The following MYO9A variants were observed in gnomAD, a reference collection of about 807,000 sequenced individuals.
MYO9A encodes the protein myosin IXA.
In MYO9A, 103 loss-of-function variants were observed where a neutral mutation model predicts 293.3. The observed-to-expected ratio is 0.35, with a 90% CI of 0.30 to 0.41. The LOEUF is 0.41. Among genes scored for constraint, MYO9A ranks in the 10% least tolerant of loss-of-function variants. The pLI, the probability that MYO9A is intolerant of heterozygous loss-of-function variation, is 1.00. For missense variants in MYO9A, 2,685 were observed against 3,033.0 expected (o/e 0.89, Z 2.69); for synonymous variants, 1,001 against 1,035.7 (o/e 0.97, Z 0.64).
At chr15:71,918,975 A>T (rs1254280435) in intron 18 of MYO9A, among the ~76,000 whole-genome samples, 1 of 152,188 alleles carries the variant, frequency 6.6e-6, no homozygotes, top group African/African-American at 2.4e-5. Flanking sequence ...TTTACTTGGC[A>T]CTGAATTTGT....
At chr15:71,982,374 A>G (rs2076297784) in intron 11 of MYO9A, among the ~76,000 whole-genome samples, 1 of 151,878 alleles carries the variant, frequency 6.6e-6, no homozygotes, top group Non-Finnish European at 1.5e-5. Context: ...TTTTTTAGTT[A>G]CTGATTTCAG....
chr15:72,045,267 T>C (rs1285255706), intron 2 of MYO9A: 1 of 1,388 alleles, frequency 7.2e-4, no homozygotes, highest in African/African-American at 9.6e-4. Context: ...CCAAAGACAA[T>C]TTTTTTTTTT....
rs375944369 is a variant in MYO9A at position 72,063,446 on chromosome 15, G to A, written c.-71-16812C>T. ...TTCTGCATAGCAAAGGCAACAATCA[G>A]CAAAGTGAACAGACAACTCACAGAA... On this transcript the variant is annotated intron_variant, in intron 1 of 41. Transcript: ENST00000356056. 5.3e-5 allele frequency among the ~76,000 whole-genome samples: 8 copies of A among 152,138 alleles called. No individual in the cohort carries two copies. The East Asian group carries it at 9.6e-4, about 18-fold the overall frequency.
At chr15:71,875,424 C>A (rs2056654132) in intron 32 of MYO9A, among the ~76,000 whole-genome samples, 1 of 152,076 alleles carries the variant, frequency 6.6e-6, no homozygotes. Flanking sequence ...TGTTCAAATG[C>A]CTTCAGAAAT....
intron 1 of MYO9A, among the ~76,000 whole-genome samples, chr15:72,076,096 G>C (rs1285233537): frequency 2.0e-5 from 3 of 152,110 alleles, no homozygotes; most frequent in Non-Finnish European, 4.4e-5. Flanking sequence ...TTGAGGTCAG[G>C]AGTTTGAGAC....
At chr15:72,058,039 C>T (rs1307640462) in intron 1 of MYO9A, among the ~76,000 whole-genome samples, 1 of 152,136 alleles carries the variant, frequency 6.6e-6, no homozygotes, top group Non-Finnish European at 1.5e-5. Flanking sequence ...ACTCAAGAAC[C>T]AAATACGTTT....
chr15:71,972,611 G>A (rs919982308), intron 12 of MYO9A, among the ~76,000 whole-genome samples: 6 of 152,202 alleles, frequency 3.9e-5, no homozygotes, highest in African/African-American at 1.4e-4. Context: ...CCCCACAAAC[G>A]TTTGGTCACA....
At chr15:72,106,495 C>T (rs997141753) in intron 1 of MYO9A, among the ~76,000 whole-genome samples, 8 of 152,102 alleles carry the variant, frequency 5.3e-5, no homozygotes, top group African/African-American at 1.9e-4. Flanking sequence ...CAGAGCAAGA[C>T]CTCATCTCTA....
intron 2 of MYO9A, among the ~76,000 whole-genome samples, chr15:72,035,943 G>A (rs2078033334): frequency 6.7e-6 from 1 of 150,298 alleles, no homozygotes; most frequent in South Asian, 2.1e-4. Context: ...AAGATAAGGA[G>A]TATCAGAGTT....
At chr15:71,947,694 A>C (rs1360767136) in intron 15 of MYO9A, among the ~76,000 whole-genome samples, 1 of 152,192 alleles carries the variant, frequency 6.6e-6, no homozygotes, top group African/African-American at 2.4e-5. Context: ...AGGGACATTA[A>C]AGTAGGCACT....
At chr15:71,869,513 CAATT>C (rs1169743612) in intron 32 of MYO9A, among the ~76,000 whole-genome samples, 1 of 152,100 alleles carries the variant, frequency 6.6e-6, no homozygotes, top group Non-Finnish European at 1.5e-5. Flanking sequence ...AAAGGCATAA[CAATT>C]AAGTGTAACA....
Position 71,878,740 on chromosome 15 carries a change from A to ATTTTTT in MYO9A, c.5740-515_5740-510dup, listed in dbSNP as rs200866619. ...TTCTTTTATTTAAATGAGATCTGGA[A>ATTTTTT]TTTTTTTTTTTTTTTTTTTTTTTTT... is the stretch of plus-strand genomic sequence containing the variant. On this transcript the variant is annotated intron_variant, in intron 30 of 41. Transcript: ENST00000356056. Among the ~76,000 whole-genome samples the ATTTTTT allele has an allele frequency of 4.1e-3, 443 of 108,604 alleles. 10 individuals are homozygous for ATTTTTT. Among genetic ancestry groups the ATTTTTT allele is most frequent in the African/African-American group, 0.013 (376 of 29,036 alleles). The allele number at this position is 108,604 out of a possible 152,430, so 71.2% of individuals were successfully genotyped here.
chr15:71,925,161 ATG>A (rs1596204915), intron 18 of MYO9A, among the ~76,000 whole-genome samples: 2 of 798 alleles, frequency 2.5e-3, no homozygotes, highest in African/African-American at 3.3e-3. Flanking sequence ...ACATATATAC[ATG>A]TGTATATATA....
chr15:71,898,829 T>A lies in MYO9A; in HGVS notation c.3674A>T (p.Asp1225Val). Residue 1225 changes from aspartate (D) to valine (V), a missense_variant, in exon 25 of 42, where the codon GAC (aspartate) becomes GTC (valine). Around this residue, in one of 10 missense-constraint regions of MYO9A, gnomAD observed 1,434 missense variants for 1,497.7 expected, o/e 0.96. Transcript: ENST00000356056. ...CTTGTTTGGTGACTCCTTCAAGCAG[T>A]CCACTGAACTTTCACGGCTAATTCG... ...SNRISRESSV[D>V]CLKESPNKQQ... 6.2e-7 allele frequency: 1 copy of A among 1,614,146 alleles called. No individual in the cohort carries two copies. The highest frequency in any genetic ancestry group is 1.1e-5 in the South Asian group (1 of 91,078).
intron 3 of MYO9A, among the ~76,000 whole-genome samples, chr15:72,030,381 T>C (rs1198331291): frequency 1.3e-5 from 2 of 152,180 alleles, no homozygotes; most frequent in Non-Finnish European, 2.9e-5. Context: ...AAAGGCTCTC[T>C]TTTTCAACTA....
chr15:71,925,248 T>C (rs1428773621), intron 18 of MYO9A, among the ~76,000 whole-genome samples: 2 of 149,478 alleles, frequency 1.3e-5, no homozygotes, highest in Non-Finnish European at 3.0e-5. Context: ...TATATACATA[T>C]ACGTATACAC....
At chr15:71,838,822 T>G (rs1324479980) in intron 39 of MYO9A, among the ~76,000 whole-genome samples, 5 of 152,196 alleles carry the variant, frequency 3.3e-5, no homozygotes, top group Non-Finnish European at 1.5e-5. Flanking sequence ...GAGCTAACTA[T>G]TCTCAGTTTG....
chr15:71,900,746 G>C (rs535214916), intron 23 of MYO9A, among the ~76,000 whole-genome samples: 1 of 152,162 alleles, frequency 6.6e-6, no homozygotes, highest in Non-Finnish European at 1.5e-5. Context: ...TGCACAAATG[G>C]AAAAGATCTT....
At chr15:71,977,816 T>C (rs190848754) in intron 12 of MYO9A, among the ~76,000 whole-genome samples, 60 of 152,216 alleles carry the variant, frequency 3.9e-4, no homozygotes, top group African/African-American at 1.3e-3. Context: ...GGCAGGTGGA[T>C]CATGAGGTCA....
Sources: allele counts gnomAD v4.1 joint callset (sites outside exome capture counted in the v4.1 genomes callset), GRCh38; gene constraint gnomAD v4.1.1; regional missense constraint gnomAD v4.1.1; transcripts MANE v1.5; gene names NCBI Gene and HGNC (gene_info 2026-07-23, HGNC 2026-07-21).